FOXO1: variants seen among roughly 807,000 people sequenced by gnomAD.
The protein encoded by FOXO1 is forkhead box O1.
In FOXO1, 6 loss-of-function variants were observed where a neutral mutation model predicts 44.1. The observed-to-expected ratio is 0.14, with a 90% CI of 0.07 to 0.27. The LOEUF (loss-of-function observed/expected upper bound fraction) is 0.27, where lower values mean the gene tolerates loss of function less well. Ranked by LOEUF, FOXO1 falls within the 10% of genes least tolerant of loss-of-function variation. The probability of loss-of-function intolerance (pLI) is 1.00; values close to 1 mark genes in which losing one functional copy is unlikely to be tolerated. For synonymous variants in FOXO1, 380 were observed against 362.7 expected, an observed-to-expected ratio of 1.05 and a Z score of -0.54; for missense variants, 737 against 888.8, an observed-to-expected ratio of 0.83 and a Z score of 2.17.
chr13:40,663,572 T>C (rs568811373), intron 1 of FOXO1, among the ~76,000 whole-genome samples: 3 of 152,284 alleles, frequency 2.0e-5, no homozygotes, highest in African/African-American at 4.8e-5. Flanking sequence ...TGAAGTGGAA[T>C]TGATAGATGA....
chr13:40,643,824 G>A (rs1220781126), intron 1 of FOXO1, among the ~76,000 whole-genome samples: 2 of 152,120 alleles, frequency 1.3e-5, no homozygotes, highest in East Asian at 1.9e-4. Context: ...GTATAATACA[G>A]CATAATTACA....
At chr13:40,619,908 T>C in intron 1 of FOXO1, 2 of 693,834 alleles carry the variant, frequency 2.9e-6, no homozygotes, top group Non-Finnish European at 5.3e-6. Context: ...CTAGATATAA[T>C]GTTACAGTGA....
At chr13:40,595,691 T>G (rs1032947719) in intron 1 of FOXO1, among the ~76,000 whole-genome samples, 2 of 152,172 alleles carry the variant, frequency 1.3e-5, no homozygotes, top group Admixed American at 6.5e-5. Flanking sequence ...TTTCCTCTGA[T>G]TCCTTGAACA....
intron 1 of FOXO1, among the ~76,000 whole-genome samples, chr13:40,623,775 G>A (rs1876694196): frequency 6.6e-6 from 1 of 152,042 alleles, no homozygotes; most frequent in Non-Finnish European, 1.5e-5. Flanking sequence ...ATCCCATAAT[G>A]AGAAAGGGGT....
intron 1 of FOXO1, chr13:40,621,228 A>G: frequency 1.4e-6 from 1 of 722,158 alleles, no homozygotes; most frequent in Non-Finnish European, 2.3e-6. Flanking sequence ...AAACAAGCTC[A>G]GGCAATTACC....
At chr13:40,600,352 AG>A (rs2137878427) in intron 1 of FOXO1, among the ~76,000 whole-genome samples, 1 of 152,354 alleles carries the variant, frequency 6.6e-6, no homozygotes, top group South Asian at 2.1e-4. Context: ...TGAACCAGTC[AG>A]AAGGCATCAC....
intron 1 of FOXO1, among the ~76,000 whole-genome samples, chr13:40,603,997 T>A (rs1420774771): frequency 6.6e-6 from 1 of 152,140 alleles, no homozygotes; most frequent in Non-Finnish European, 1.5e-5. Flanking sequence ...GTTGATGTGG[T>A]GTGCTGGGGA....
chr13:40,581,306 T>C (rs1012923448), intron 1 of FOXO1, among the ~76,000 whole-genome samples: 44 of 152,214 alleles, frequency 2.9e-4, no homozygotes, highest in African/African-American at 1.0e-3. Context: ...CTTTGAAAGA[T>C]ACTCATGAGA....
chr13:40,602,458 T>G (rs186675722), intron 1 of FOXO1, among the ~76,000 whole-genome samples: 223 of 152,242 alleles, frequency 1.5e-3, no homozygotes, highest in African/African-American at 5.2e-3. Context: ...TAAAACTCAT[T>G]AATACCGATC....
At chr13:40,665,514 C>CCTGCACA in intron 1 of FOXO1, 69 bp downstream of exon 1, 13 of 1,266,144 alleles carry the variant, frequency 1.0e-5, no homozygotes, top group Non-Finnish European at 1.2e-5. Context: ...GCCGAGCAAA[C>CCTGCACA]CTGCACAGCT....
intron 1 of FOXO1, among the ~76,000 whole-genome samples, chr13:40,615,637 T>A (rs1876399905): frequency 6.6e-6 from 1 of 151,870 alleles, no homozygotes; most frequent in African/African-American, 2.4e-5. Flanking sequence ...TTATCAACAA[T>A]GAGGTCAAGG....
chr13:40,619,524 T>C, intron 1 of FOXO1: 2 of 1,352,332 alleles, frequency 1.5e-6, no homozygotes, highest in Admixed American at 1.7e-5. Flanking sequence ...ATCATGAAAA[T>C]AGAGGATCTG....
At position 40,558,930 on chromosome 13, in the gene FOXO1, T is replaced by C. The variant is rs1441199018; in HGVS notation, c.*119A>G. ...AAAAAGGAGGGTTTTTTTTTTTGTT[T>C]TTTTTTTTAACCAAGAAAACTAAAA... On this transcript the variant is annotated 3_prime_UTR_variant, in exon 3 of 3. Transcript: ENST00000379561. 5.0e-6 allele frequency: 2 copies of C among 398,416 alleles called. No individual in the cohort carries two copies. The highest frequency in any genetic ancestry group is 8.9e-6 in the Non-Finnish European group (2 of 225,926). 24.7% of individuals were successfully genotyped at this position (398,416 alleles called of 1,614,324 possible).
Position 40,665,929 on chromosome 13 carries a change from G to GCCA in FOXO1, c.281_283dup (p.Val94dup), listed in dbSNP as rs1180509068. 1.9e-5 allele frequency: 23 copies of GCCA among 1,210,240 alleles called. No individual in the cohort carries two copies. Among genetic ancestry groups the GCCA allele is most frequent in the Non-Finnish European group, 2.1e-5 (21 of 976,984 alleles). The allele number at this position is 1,210,240 out of a possible 1,614,324, so 75.0% of individuals were successfully genotyped here. A position where few individuals can be genotyped will look rare whatever the true frequency, so the allele number is the denominator to read the frequency against. On this transcript the variant is annotated inframe_insertion, in exon 1 of 3. Transcript: ENST00000379561. ...GGTGGCGGCCGCGGCGGCCGCCGCCGCCACCGCCGCCGCCACGGAGCCGGG... is the reference window on the plus strand; with the variant it reads ...GGTGGCGGCCGCGGCGGCCGCCGCCGCCACCACCGCCGCCGCCACGGAGCCGGG...
chr13:40,620,129 C>T (rs1046267511), intron 1 of FOXO1: 57 of 1,306,368 alleles, frequency 4.4e-5, no homozygotes, highest in African/African-American at 8.7e-5. Context: ...GCATATACCC[C>T]ATTCTCTAAT....
chr13:40,620,243 T>G, intron 1 of FOXO1: 1 of 1,515,396 alleles, frequency 6.6e-7, no homozygotes, highest in African/African-American at 1.4e-5. Flanking sequence ...GTGAGAAGGA[T>G]CCATCCCGGA....
intron 1 of FOXO1, among the ~76,000 whole-genome samples, chr13:40,659,314 C>CAAAAAAAAAAAAAAA (rs1210028542): frequency 2.3e-5 from 2 of 87,634 alleles, no homozygotes; most frequent in African/African-American, 4.3e-5. Context: ...GACTCCGTCT[C>CAAAAAAAAAAAAAAA]AAAAAAAAAA....
At chr13:40,622,682 A>G (rs1254154855) in intron 1 of FOXO1, among the ~76,000 whole-genome samples, 3 of 152,312 alleles carry the variant, frequency 2.0e-5, no homozygotes, top group East Asian at 3.9e-4. Flanking sequence ...GACTTGCTTC[A>G]GGCTTGTCAT....
intron 1 of FOXO1, among the ~76,000 whole-genome samples, chr13:40,648,880 A>C (rs1310563479): frequency 1.3e-5 from 2 of 152,214 alleles, no homozygotes; most frequent in Non-Finnish European, 2.9e-5. Flanking sequence ...CTGTCCTAGT[A>C]ACATTCAGGT....
Sources: gnomAD v4.1 joint callset for allele counts (sites outside exome capture counted in the v4.1 genomes callset) on GRCh38, gnomAD v4.1.1 for gene constraint, MANE v1.5 for transcripts, NCBI Gene and HGNC (gene_info 2026-07-23, HGNC 2026-07-21) for gene names.